Variants in RTP2 observed in about 807,000 individuals in gnomAD.
RTP2 encodes the protein receptor transporter protein 2, also known as receptor-transporting protein 2.
A neutral mutation model predicts 17.9 loss-of-function variants in RTP2; 12 were observed. The ratio of observed to expected loss-of-function variants is 0.67; its 90% CI spans 0.43 to 1.09. The LOEUF (loss-of-function observed/expected upper bound fraction) is 1.09. RTP2 is among the 50% of genes least tolerant of loss of function. The pLI, the probability that RTP2 is intolerant of heterozygous loss-of-function variation, is 0.00. For missense variants in RTP2, 327 were observed against 295.7 expected (o/e 1.11, Z -0.78); for synonymous variants, 126 against 117.7 (o/e 1.07, Z -0.46).
exon 2 of RTP2, chr3:187,698,440 G>C (rs1717741838): frequency 1.4e-6 from 2 of 1,467,174 alleles, no homozygotes; most frequent in Non-Finnish European, 1.8e-6. Context: ...ATCAAGTCCA[G>C]ACTGTGTCCT....
the RTP2 span, among the ~76,000 whole-genome samples, chr3:187,714,977 A>G: frequency 2.0e-5 from 3 of 151,160 alleles, no homozygotes. Context: ...AAAAAAAAAC[A>G]CAAACAAACA....
chr3:187,703,983 A>T (rs193229945), upstream of RTP2, among the ~76,000 whole-genome samples: 617 of 152,260 alleles, frequency 4.1e-3, 2 homozygotes, highest in Middle Eastern at 6.8e-3. Context: ...TCATACAATC[A>T]GTGAGCACAA....
chr3:187,711,720 T>G, the RTP2 span, among the ~76,000 whole-genome samples: 103,686 of 152,084 alleles, frequency 0.68, 36,334 homozygotes, highest in East Asian at 0.84. Context: ...GCCAGTGACT[T>G]GCTGCATAAA....
At chr3:187,705,529 G>T (rs187211575), upstream of RTP2, among the ~76,000 whole-genome samples, 1 of 152,192 alleles carries the variant, frequency 6.6e-6, no homozygotes, top group African/African-American at 2.4e-5. Flanking sequence ...TTACCCAGTA[G>T]AACATTTGTA....
chr3:187,706,728 G>A (rs1718001175), upstream of RTP2, among the ~76,000 whole-genome samples: 1 of 152,048 alleles, frequency 6.6e-6, no homozygotes, highest in Non-Finnish European at 1.5e-5. Flanking sequence ...TCAGCCTCCT[G>A]AGTAGCTGGG....
rs746348051 is a variant in RTP2 at position 187,698,873 on chromosome 3, C to T, written c.303G>A (p.Thr101=). The T allele has an allele frequency of 2.5e-6, 4 of 1,612,756 alleles. No homozygotes were observed. In the East Asian group the frequency reaches 6.7e-5, roughly 27 times the overall value. ...GCATGCTGGACTCGTCCAGCCGCGCCGTGCCGCACTCATAGCACAGCTGCT... is the reference window on the plus strand; with the variant it reads ...GCATGCTGGACTCGTCCAGCCGCGCTGTGCCGCACTCATAGCACAGCTGCT... Residue 101 remains threonine, a synonymous_variant, in exon 2 of 2, where the codon ACG becomes ACA. Coordinates refer to ENST00000358241, the Ensembl canonical transcript of RTP2.
rs1167301728 is a variant in RTP2 at position 187,698,865 on chromosome 3, A to G, written c.311T>C (p.Leu104Pro). 10 of 1,613,216 alleles carry G rather than the reference A, an allele frequency of 6.2e-6. No individual in the cohort carries two copies. The East Asian group carries it at 2.0e-4, about 32-fold the overall frequency. ...CTCCTCCAGCATGCTGGACTCGTCC[A>G]GCCGCGCCGTGCCGCACTCATAGCA... Residue 104 changes from leucine to proline, a missense_variant, in exon 2 of 2, where the codon CTG becomes CCG. Transcript: ENST00000358241.
the RTP2 span, among the ~76,000 whole-genome samples, chr3:187,709,658 C>G: frequency 6.6e-6 from 1 of 152,062 alleles, no homozygotes; most frequent in Non-Finnish European, 1.5e-5. Flanking sequence ...GCACTCCAGC[C>G]TGGGTGACAG....
intron 1 of RTP2, 137 bp downstream of exon 1, chr3:187,701,828 C>T (rs1717855525): frequency 6.9e-6 from 5 of 722,654 alleles, no homozygotes; most frequent in South Asian, 5.1e-5. Flanking sequence ...CTGACCCAGC[C>T]GGCTGTCTTT....
At chr3:187,711,886 T>C in the RTP2 span, among the ~76,000 whole-genome samples, 11 of 152,366 alleles carry the variant, frequency 7.2e-5, no homozygotes, top group East Asian at 2.1e-3. Context: ...TTATTTAATA[T>C]TATTTTTCTA....
chr3:187,704,521 G>A (rs183889400), upstream of RTP2, among the ~76,000 whole-genome samples: 8 of 152,188 alleles, frequency 5.3e-5, no homozygotes, highest in Admixed American at 2.0e-4. Context: ...TGTTACTGAT[G>A]GGATATGTTG....
chr3:187,713,598 G>A, the RTP2 span, among the ~76,000 whole-genome samples: 2 of 152,190 alleles, frequency 1.3e-5, no homozygotes, highest in Admixed American at 6.5e-5. Context: ...CTATGTAAAT[G>A]AAGTAGTGGC....
the RTP2 span, among the ~76,000 whole-genome samples, chr3:187,712,352 C>A: frequency 6.6e-6 from 1 of 152,124 alleles, no homozygotes; most frequent in South Asian, 2.1e-4. Flanking sequence ...CTTTTAAATG[C>A]TCCTAGTATA....
chr3:187,698,939 G>A (rs1717770023), exon 2 of RTP2: 1 of 1,608,434 alleles, frequency 6.2e-7, no homozygotes, highest in Non-Finnish European at 8.5e-7. Flanking sequence ...GCTGGGCGCG[G>A]TCCAGGAACA....
chr3:187,704,256 T>A (rs998326115), upstream of RTP2, among the ~76,000 whole-genome samples: 1 of 152,252 alleles, frequency 6.6e-6, no homozygotes, highest in Non-Finnish European at 1.5e-5. Flanking sequence ...CAATTTGGAA[T>A]GCAAGTTAAT....
the RTP2 span, among the ~76,000 whole-genome samples, chr3:187,708,861 TC>T: frequency 6.6e-6 from 1 of 152,030 alleles, no homozygotes; most frequent in East Asian, 1.9e-4. Context: ...TTACTGGAGG[TC>T]CTATAGTTAA....
the RTP2 span, among the ~76,000 whole-genome samples, chr3:187,711,407 C>T: frequency 2.0e-5 from 3 of 152,202 alleles, no homozygotes; most frequent in African/African-American, 7.2e-5. Context: ...TAGAAGTAAA[C>T]TCTCAGCTTT....
At chr3:187,705,476 G>A (rs986668817), upstream of RTP2, among the ~76,000 whole-genome samples, 3 of 152,148 alleles carry the variant, frequency 2.0e-5, no homozygotes, top group African/African-American at 7.2e-5. Context: ...CAATATCCTG[G>A]GCAGACTTTT....
chr3:187,713,302 A>C, the RTP2 span, among the ~76,000 whole-genome samples: 1 of 152,152 alleles, frequency 6.6e-6, no homozygotes, highest in Non-Finnish European at 1.5e-5. Context: ...AAAAGCCTAA[A>C]TTTTCTCCTT....
Sources: allele counts gnomAD v4.1 joint callset (sites outside exome capture counted in the v4.1 genomes callset), GRCh38; gene constraint gnomAD v4.1.1; transcripts MANE v1.5; gene names NCBI Gene and HGNC (gene_info 2026-07-23, HGNC 2026-07-21).